The following FBN3 variants were observed in gnomAD, a reference collection of about 807,000 sequenced individuals.
The protein encoded by FBN3 is fibrillin 3.
FBN3 carries 234 observed loss-of-function variants against 330.1 expected under a neutral mutation model. The ratio of observed to expected loss-of-function variants is 0.71; its 90% CI spans 0.64 to 0.79. The LOEUF (loss-of-function observed/expected upper bound fraction) is 0.79. Among genes scored for constraint, FBN3 ranks in the 30% least tolerant of loss-of-function variants. The pLI, the probability that FBN3 is intolerant of heterozygous loss-of-function variation, is 0.00. For missense variants in FBN3, 3,606 were observed against 3,886.9 expected (o/e 0.93, Z 1.92); for synonymous variants, 1,458 against 1,517.3 (o/e 0.96, Z 0.91).
chr19:8,108,857 C>T (rs2082509284), intron 36 of FBN3, among the ~76,000 whole-genome samples: 1 of 152,182 alleles, frequency 6.6e-6, no homozygotes, highest in African/African-American at 2.4e-5. Context: ...GACAGTTCTA[C>T]TCTCACAGTC....
In FBN3 at chr19:8,138,199, G is replaced by A; in HGVS notation, c.1143C>T (p.Asn381=). The A allele has an allele frequency of 6.2e-7, 1 of 1,612,948 alleles. No homozygotes were observed. The highest frequency in any genetic ancestry group is 8.5e-7 in the Non-Finnish European group (1 of 1,179,672). The change falls in exon 10 of 64, where the codon AAC becomes AAT. Residue 381 remains asparagine (N), a synonymous_variant. Coordinates refer to ENST00000600128, the MANE Select transcript of FBN3 (RefSeq NM_032447.5). ...TCCCACGCGCATCAGAGCCATGGGG[G>A]TTGAGTCGCGCTGGCCCAAGAGGGG... ...MGPPLGPARL[N]PHGSDARGIP... is the part of the protein sequence containing the mutation.
intron 42 of FBN3, 109 bp from the exon 43 acceptor site, chr19:8,097,115 G>C (rs564691250): frequency 3.3e-6 from 5 of 1,504,776 alleles, no homozygotes; most frequent in Non-Finnish European, 4.5e-6. Context: ...TCTGGAAGCA[G>C]CCAGAGCTGG....
Position 8,095,510 on chromosome 19 carries a change from A to C in FBN3, c.5657-7T>G. On this transcript the variant is annotated splice_polypyrimidine_tract_variant and splice_region_variant and intron_variant, in intron 45 of 63. Coordinates refer to ENST00000600128, the MANE Select transcript of FBN3 (RefSeq NM_032447.5). The stretch of plus-strand genomic sequence containing the variant: ...GTAGTACACTCATCAAAATCTGTAG[A>C]GGGGAGATGGGCAGGCCAGTTCACC... 1 of 1,612,398 alleles carries C rather than the reference A, an allele frequency of 6.2e-7. No homozygotes were observed. The highest frequency in any genetic ancestry group is 8.5e-7 in the Non-Finnish European group (1 of 1,179,056).
intron 30 of FBN3, among the ~76,000 whole-genome samples, 170 bp downstream of exon 30, chr19:8,115,345 C>G (rs553856596): frequency 6.6e-6 from 1 of 152,254 alleles, no homozygotes; most frequent in Non-Finnish European, 1.5e-5. Context: ...GGGGACCCCC[C>G]GGGGCACTGT....
intron 6 of FBN3, among the ~76,000 whole-genome samples, chr19:8,143,922 A>G (rs946500476): frequency 6.6e-6 from 1 of 150,954 alleles, no homozygotes; most frequent in African/African-American, 2.4e-5. Flanking sequence ...GGCTCATGCA[A>G]TCCTCCCACT....
chr19:8,137,591 C>CCAAA (rs1343131078), intron 10 of FBN3, among the ~76,000 whole-genome samples: 1 of 150,908 alleles, frequency 6.6e-6, no homozygotes, highest in East Asian at 1.9e-4. Context: ...AACTCCCCAC[C>CCAAA]CAAAGCCCGA....
Position 8,091,509 on chromosome 19 carries a change from C to T in FBN3, c.5987G>A (p.Cys1996Tyr). ...TNSPGSFQCL[C>Y]PPGFVLSDNG... ...GTCAGAGAGGACAAAGCCAGGTGGG[C>T]AGAGGCACTGGAAGCTCCCAGGGCT... Residue 1996 changes from cysteine to tyrosine, a missense_variant, in exon 48 of 64, where the codon TGC becomes TAC. By Grantham distance (194) the Cys-to-Tyr change is radical (BLOSUM62 -2). Transcript: ENST00000600128. 1 of 1,614,230 alleles carries T rather than the reference C, an allele frequency of 6.2e-7. No homozygotes were observed. Among genetic ancestry groups the T allele is most frequent in the East Asian group, 2.2e-5 (1 of 44,890 alleles).
chr19:8,126,862 A>AT, intron 18 of FBN3, 30 bp from the exon 19 acceptor site: 1 of 1,519,766 alleles, frequency 6.6e-7, no homozygotes, highest in Admixed American at 2.2e-5. Context: ...CCAGGTCCTG[A>AT]GCTGCAGGAG....
At position 8,110,935 on chromosome 19, in the gene FBN3, C is replaced by T; in HGVS notation, c.4243G>A (p.Ala1415Thr). The change falls in exon 34 of 64, where the codon GCA (alanine) becomes ACA (threonine). Residue 1415 changes from alanine to threonine, a missense_variant. Physicochemically the swap from Ala to Thr is moderately conservative, Grantham distance 58 (BLOSUM62 0). Coordinates refer to ENST00000600128, the MANE Select transcript of FBN3 (RefSeq NM_032447.5). ...GGCAGGTTCTCACAGCTCCCAAATG[C>T]ACAGAGGTTCCCTTGCGCACACTCG... The part of the protein sequence containing the change: ...VDECAQGNLC[A>T]FGSCENLPGM... 1 of 1,614,272 alleles carries T rather than the reference C, an allele frequency of 6.2e-7. No individual in the cohort carries two copies.
chr19:8,085,190 C>T (rs575819339), intron 56 of FBN3, among the ~76,000 whole-genome samples, 173 bp downstream of exon 56: 16 of 151,320 alleles, frequency 1.1e-4, no homozygotes, highest in African/African-American at 3.9e-4. Context: ...ATGGTGCACA[C>T]GTACTGGTTC....
chr19:8,090,211 C>T lies in FBN3; in HGVS notation c.6072G>A (p.Gly2024=). The T allele has an allele frequency of 6.2e-7, 1 of 1,614,076 alleles. No homozygotes were observed. Among genetic ancestry groups the T allele is most frequent in the Non-Finnish European group, 8.5e-7 (1 of 1,180,004 alleles). ...TGAAAGCTTTGGGCACCGAGCACTT[C>T]CCAGCCTCAAAACGGGTGAAGCAGA... ...QSFCFTRFEA[G]KCSVPKAFNT... The change falls in exon 49 of 64, where the codon GGG becomes GGA. Residue 2024 remains glycine (G), a synonymous_variant. Coordinates refer to ENST00000600128, the MANE Select transcript of FBN3 (RefSeq NM_032447.5).
At position 8,086,123 on chromosome 19, in the gene FBN3, A is replaced by G. The variant is rs1313592735; in HGVS notation, c.6880+77T>C. 17 of 935,204 alleles carry G rather than the reference A, an allele frequency of 1.8e-5. No individual in the cohort carries two copies. The African/African-American group carries it at 3.5e-4, about 19-fold the overall frequency. 57.9% of individuals were successfully genotyped at this position (935,204 alleles called of 1,614,324 possible). Reference sequence around the variant, plus strand: ...GAAGGGGGCAGGCAGTGGGGGGAACAGGCAGTGGGGGGGGACAGGCAGTGG... The same window carrying G: ...GAAGGGGGCAGGCAGTGGGGGGAACGGGCAGTGGGGGGGGACAGGCAGTGG... On this transcript the variant is annotated intron_variant, in intron 55 of 63. Transcript: ENST00000600128.
chr19:8,130,239 G>A (rs540550914), intron 16 of FBN3, among the ~76,000 whole-genome samples: 19 of 150,234 alleles, frequency 1.3e-4, no homozygotes, highest in Admixed American at 4.0e-4. Flanking sequence ...ATGGCAGCTC[G>A]TGTCTGTAAT....
intron 29 of FBN3, 110 bp downstream of exon 29, chr19:8,116,564 G>T: frequency 8.7e-7 from 1 of 1,150,438 alleles, no homozygotes; most frequent in Non-Finnish European, 1.3e-6. Flanking sequence ...GAATGGCAGG[G>T]GTGGGGCCTG....
chr19:8,109,619 G>A lies in FBN3; in HGVS notation c.4456+12C>T. 6.3e-7 allele frequency: 1 copy of A among 1,591,516 alleles called. No individual in the cohort carries two copies. The highest frequency in any genetic ancestry group is 8.6e-7 in the Non-Finnish European group (1 of 1,168,262). ...CCCCAGAACCCTGATCTGGAGTTGAGCATGGACTCACCCACGCAGCCCACT... is the reference window on the plus strand; with the variant it reads ...CCCCAGAACCCTGATCTGGAGTTGAACATGGACTCACCCACGCAGCCCACT... On this transcript the variant is annotated intron_variant, in intron 35 of 63. Transcript: ENST00000600128. The surrounding 1 kb of genome is among the most constrained non-coding windows in gnomAD (Gnocchi z 5.2).
chr19:8,096,912 C>A lies in FBN3; in HGVS notation c.5382G>T (p.Gly1794=). 1.2e-6 allele frequency: 2 copies of A among 1,613,746 alleles called. No homozygotes were observed. The highest frequency in any genetic ancestry group is 1.7e-6 in the Non-Finnish European group (2 of 1,180,026). ...PGSYRCKCTR[G]YKLSPGGACV... is the part of the protein sequence containing the mutation. ...AAGCCCCGCCTGGCGACAGTTTGTA[C>A]CCTCGGGTGCACTTGCAGCGGTAGC... The change falls in exon 43 of 64, where the codon GGG becomes GGT. Residue 1794 remains glycine (G), a synonymous_variant. Coordinates refer to ENST00000600128, the MANE Select transcript of FBN3 (RefSeq NM_032447.5). This position sits in a 1 kb window ranked among gnomAD's most constrained non-coding sequence, Gnocchi z 4.6.
At position 8,097,158 on chromosome 19, in the gene FBN3, G is replaced by A. The variant is rs73922208; in HGVS notation, c.5287+131C>T. The A allele has an allele frequency of 2.5e-3, 3,719 of 1,463,576 alleles. 95 individuals are homozygous for A. In the African/African-American group the frequency reaches 0.046, roughly 18 times the overall value. 90.7% of individuals were successfully genotyped at this position (1,463,576 alleles called of 1,614,324 possible). On this transcript the variant is annotated intron_variant, in intron 42 of 63. Coordinates refer to ENST00000600128, the MANE Select transcript of FBN3 (RefSeq NM_032447.5). The stretch of plus-strand genomic sequence containing the variant: ...GTGGTTATATGAGATGGAGGCCCTT[G>A]GAAAGGTGTTAGCCCATTATACATA...
intron 13 of FBN3, 25 bp downstream of exon 13, chr19:8,135,936 G>GGGGGGGGGGGGGGCGCCCCCCCCC: frequency 6.0e-6 from 4 of 668,774 alleles, no homozygotes; most frequent in Non-Finnish European, 7.2e-6. Flanking sequence ...GGAAGCCCCT[G>GGGGGGGGGGGGGGCGCCCCCCCCC]CCCACCCGCC....
intron 56 of FBN3, among the ~76,000 whole-genome samples, chr19:8,083,805 C>CTTTTCTT (rs766533055): frequency 7.5e-6 from 1 of 134,086 alleles, no homozygotes; most frequent in Non-Finnish European, 1.6e-5. Flanking sequence ...ACTATTTTTT[C>CTTTTCTT]TTTTTTTTTT....
Sources: allele counts gnomAD v4.1 joint callset (sites outside exome capture counted in the v4.1 genomes callset), GRCh38; gene constraint gnomAD v4.1.1; non-coding constraint Gnocchi (gnomAD v3.1); transcripts MANE v1.5; gene names NCBI Gene and HGNC (gene_info 2026-07-23, HGNC 2026-07-21).